TBCK: variants seen among roughly 807,000 people sequenced by gnomAD.
TBCK encodes TBC domain-containing protein kinase-like protein.
A neutral mutation model predicts 113.4 loss-of-function variants in TBCK; 99 were observed. The observed-to-expected ratio is 0.87, with a 90% CI of 0.74 to 1.03. TBCK has a LOEUF of 1.03. Ranked by LOEUF, TBCK falls within the 50% of genes least tolerant of loss-of-function variation. The pLI is 0.00. For missense variants in TBCK, 1,045 were observed against 1,061.3 expected, an observed-to-expected ratio of 0.98 and a Z score of 0.21; for synonymous variants, 369 against 370.8, an observed-to-expected ratio of 1.00 and a Z score of 0.05.
At chr4:106,151,218 C>T (rs941113869) in intron 23 of TBCK, among the ~76,000 whole-genome samples, 3 of 151,920 alleles carry the variant, frequency 2.0e-5, no homozygotes, top group African/African-American at 7.2e-5. Context: ...TTATACACTT[C>T]TAGTTATTTT....
intron 22 of TBCK, among the ~76,000 whole-genome samples, chr4:106,186,725 A>T (rs1753067403): frequency 6.6e-6 from 1 of 152,060 alleles, no homozygotes; most frequent in Admixed American, 6.6e-5. Context: ...GCAGAAGCTT[A>T]AAGAGCTTAA....
chr4:106,044,883 G>A lies in TBCK; in HGVS notation c.*1687C>T, dbSNP rs1734077901. 1 of 152,146 alleles carries A rather than the reference G, an allele frequency of 6.6e-6. No homozygotes were observed. The highest frequency in any genetic ancestry group is 2.1e-4 in the South Asian group (1 of 4,826). 9.4% of individuals were successfully genotyped at this position (152,146 alleles called of 1,614,324 possible). The stretch of plus-strand genomic sequence containing the variant: ...ACCATGGCCCAGAAAGCTGAATTGA[G>A]GCTCTTATTGAAATGTTCTGCCTAG... On this transcript the variant is annotated 3_prime_UTR_variant, in exon 26 of 26. Transcript: ENST00000394708.
intron 25 of TBCK, among the ~76,000 whole-genome samples, chr4:106,079,614 T>G (rs1052110007): frequency 2.0e-5 from 3 of 152,120 alleles, no homozygotes; most frequent in Admixed American, 6.5e-5. Context: ...AGGTGAAAGA[T>G]CTCTACCAGG....
chr4:106,308,763 C>A lies in TBCK; in HGVS notation c.193+5G>T. ...ATAAATAGGAAAAAAAAGAAAATAA[C>A]TTACCATGCTTTCCCCTAGAAATAT... is the stretch of plus-strand genomic sequence containing the variant. On this transcript the variant is annotated splice_donor_5th_base_variant and intron_variant, in intron 2 of 25. Coordinates refer to ENST00000394708, the MANE Select transcript of TBCK (RefSeq NM_001163435.3). The A allele has an allele frequency of 6.2e-7, 1 of 1,602,244 alleles. No individual in the cohort carries two copies. Among genetic ancestry groups the A allele is most frequent in the Non-Finnish European group, 8.5e-7 (1 of 1,176,514 alleles).
chr4:106,144,558 C>A (rs905820793), intron 23 of TBCK, among the ~76,000 whole-genome samples: 1 of 152,016 alleles, frequency 6.6e-6, no homozygotes, highest in Non-Finnish European at 1.5e-5. Flanking sequence ...GGTAGGTGTA[C>A]AATAAATGCT....
intron 22 of TBCK, among the ~76,000 whole-genome samples, chr4:106,172,852 C>A (rs1339192285): frequency 2.0e-5 from 3 of 149,950 alleles, no homozygotes; most frequent in Admixed American, 6.6e-5. Flanking sequence ...TATCGTAATT[C>A]TTCTTCCCAC....
At chr4:106,137,777 T>C (rs1237010553) in intron 23 of TBCK, among the ~76,000 whole-genome samples, 1 of 140,218 alleles carries the variant, frequency 7.1e-6, no homozygotes, top group Non-Finnish European at 1.6e-5. Context: ...TAAAGAAAAG[T>C]AGAGACAGAT....
intron 11 of TBCK, among the ~76,000 whole-genome samples, chr4:106,243,884 G>C (rs1760460329): frequency 6.6e-6 from 1 of 151,786 alleles, no homozygotes; most frequent in Non-Finnish European, 1.5e-5. Context: ...ACAGGGTTTT[G>C]CCATGTTGCC....
At chr4:106,052,296 A>C (rs1734898576) in intron 25 of TBCK, among the ~76,000 whole-genome samples, 1 of 151,852 alleles carries the variant, frequency 6.6e-6, no homozygotes, top group African/African-American at 2.4e-5. Flanking sequence ...GTGACAAGGA[A>C]GGAGAAGAAC....
chr4:106,246,990 GT>G (rs1760888572), intron 10 of TBCK, 148 bp downstream of exon 10: 11 of 815,184 alleles, frequency 1.3e-5, no homozygotes, highest in Non-Finnish European at 2.0e-5. Context: ...CAGCCAGTCA[GT>G]TATATTTTAA....
At chr4:106,278,610 A>T (rs1160669276) in intron 3 of TBCK, among the ~76,000 whole-genome samples, 1 of 151,104 alleles carries the variant, frequency 6.6e-6, no homozygotes, top group African/African-American at 2.4e-5. Context: ...CAAATACATA[A>T]TTAAATGGAA....
intron 8 of TBCK, 58 bp downstream of exon 8, chr4:106,248,863 A>G (rs1419023234): frequency 1.5e-6 from 2 of 1,355,668 alleles, no homozygotes; most frequent in Admixed American, 2.3e-5. Context: ...AAGTTACCCA[A>G]TATCAGGTAT....
intron 20 of TBCK, among the ~76,000 whole-genome samples, chr4:106,199,543 A>G (rs1465159608): frequency 6.6e-6 from 1 of 152,134 alleles, no homozygotes; most frequent in Non-Finnish European, 1.5e-5. Context: ...GAAACTGTAT[A>G]TCCAAATGCC....
chr4:106,109,997 TA>T (rs1742654378), intron 24 of TBCK, among the ~76,000 whole-genome samples: 1 of 144,168 alleles, frequency 6.9e-6, no homozygotes, highest in Admixed American at 6.7e-5. Context: ...CAAGGGGATA[TA>T]AAGGAATTGA....
At chr4:106,057,047 G>A (rs1262410458) in intron 25 of TBCK, among the ~76,000 whole-genome samples, 3 of 151,894 alleles carry the variant, frequency 2.0e-5, no homozygotes, top group South Asian at 4.1e-4. Context: ...AAAGTGACCA[G>A]GTGCCTTGAA....
At chr4:106,250,879 A>G (rs1210037227) in intron 6 of TBCK, among the ~76,000 whole-genome samples, 1 of 151,936 alleles carries the variant, frequency 6.6e-6, no homozygotes, top group Non-Finnish European at 1.5e-5. Context: ...CTTAAATATC[A>G]TGATTCGGTT....
In TBCK at chr4:106,218,399, C is replaced by T. The variant is rs1182470894; in HGVS notation, c.1775-5564G>A. Among the ~76,000 whole-genome samples the T allele has an allele frequency of 2.7e-5, 4 of 148,294 alleles. No individual in the cohort carries two copies. The East Asian group carries it at 8.0e-4, about 30-fold the overall frequency. The stretch of plus-strand genomic sequence containing the variant: ...CTAATTAAACTAAAGAGCTTCTGCA[C>T]AGCAAAAGAAACTACCATCAGAGTG... On this transcript the variant is annotated intron_variant, in intron 19 of 25. Coordinates refer to ENST00000394708, the MANE Select transcript of TBCK (RefSeq NM_001163435.3).
rs149521883 is a variant in TBCK at position 106,272,711 on chromosome 4, G to A, written c.267-10499C>T. The stretch of plus-strand genomic sequence containing the variant: ...GGGGTTTCACCGTGTTAGCCAGGAT[G>A]GTCTCAATCTCCTGACCTCGTGATC... On this transcript the variant is annotated intron_variant, in intron 3 of 25. Coordinates refer to ENST00000394708, the MANE Select transcript of TBCK (RefSeq NM_001163435.3). Among the ~76,000 whole-genome samples the A allele has an allele frequency of 9.9e-3, 1,500 of 151,774 alleles. 21 individuals carry two copies. Among genetic ancestry groups the A allele is most frequent in the African/African-American group, 0.035 (1,432 of 41,330 alleles).
chr4:106,171,373 AGAT>A lies in TBCK; in HGVS notation c.2060-106_2060-104del, dbSNP rs1750990013. On this transcript the variant is annotated intron_variant, in intron 22 of 25. Transcript: ENST00000394708. ...AAGTGAATATATCTAAATATGGCTA[AGAT>A]GATAAGTTATTAGAAAAAATGTCAG... is the stretch of plus-strand genomic sequence containing the variant. 6.1e-6 allele frequency: 5 copies of A among 814,620 alleles called. 1 individual carries two copies. In the South Asian group the frequency reaches 7.8e-5, roughly 13 times the overall value. 50.5% of individuals were successfully genotyped at this position (814,620 alleles called of 1,614,324 possible). A position where few individuals can be genotyped will look rare whatever the true frequency, so the allele number is the denominator to read the frequency against.
Sources: gnomAD v4.1 joint callset for allele counts (sites outside exome capture counted in the v4.1 genomes callset) on GRCh38, gnomAD v4.1.1 for gene constraint, MANE v1.5 for transcripts, NCBI Gene and HGNC (gene_info 2026-07-23, HGNC 2026-07-21) for gene names.